The following EFNA5 variants were observed in gnomAD, a reference collection of about 807,000 sequenced individuals.
EFNA5 encodes the protein ephrin-A5.
In EFNA5, 5 loss-of-function variants were observed where a neutral mutation model predicts 22.9. The ratio of observed to expected loss-of-function variants is 0.22; its 90% confidence interval spans 0.11 to 0.46. The LOEUF (loss-of-function observed/expected upper bound fraction) is 0.46. EFNA5 is among the 20% of genes least tolerant of loss of function. The pLI is 0.99. For missense variants in EFNA5, 237 were observed against 293.3 expected (o/e 0.81, Z 1.40); for synonymous variants, 113 against 112.2 (o/e 1.01, Z -0.04).
chr5:107,392,771 A>AGGC (rs1430629016), intron 2 of EFNA5, among the ~76,000 whole-genome samples: 2 of 152,254 alleles, frequency 1.3e-5, no homozygotes, highest in Non-Finnish European at 2.9e-5. Flanking sequence ...GCTAATGGCC[A>AGGC]GCATGCCCTT....
intron 1 of EFNA5, among the ~76,000 whole-genome samples, chr5:107,583,021 C>T (rs1749102173): frequency 1.3e-5 from 2 of 152,234 alleles, no homozygotes; most frequent in South Asian, 2.1e-4. Flanking sequence ...AACAACAGGA[C>T]ATCTTCTAAA....
At chr5:107,635,270 A>G (rs1750349175) in intron 1 of EFNA5, among the ~76,000 whole-genome samples, 1 of 152,196 alleles carries the variant, frequency 6.6e-6, no homozygotes, top group Non-Finnish European at 1.5e-5. Context: ...AACTGCTTTT[A>G]TTTTATTTTT....
chr5:107,625,290 T>A (rs1580566963), intron 1 of EFNA5, among the ~76,000 whole-genome samples: 2 of 152,062 alleles, frequency 1.3e-5, no homozygotes, highest in African/African-American at 2.4e-5. Flanking sequence ...ACAGGTGAGG[T>A]TTTTGAGATT....
At chr5:107,646,709 T>A (rs1750639253) in intron 1 of EFNA5, among the ~76,000 whole-genome samples, 1 of 152,108 alleles carries the variant, frequency 6.6e-6, no homozygotes, top group Admixed American at 6.6e-5. Context: ...TTCAACTGCT[T>A]CTGAAAAAAA....
In EFNA5 at chr5:107,670,924, G is replaced by A. The variant is rs985219055; in HGVS notation, c.-311C>T. On this transcript the variant is annotated 5_prime_UTR_variant, in exon 1 of 5. Coordinates refer to ENST00000333274, the MANE Select transcript of EFNA5 (RefSeq NM_001962.3). ...CGTGTGTGTGGTGGCGGCGGCGAGG[G>A]CGGGGGAAGAGGTGCCAAGCTGTGT... 9 of 294,848 alleles carry A rather than the reference G, an allele frequency of 3.1e-5. No individual in the cohort carries two copies. Among genetic ancestry groups the A allele is most frequent in the Non-Finnish European group, 5.0e-5 (8 of 160,198 alleles). The allele number at this position is 294,848 out of a possible 1,614,324, so 18.3% of individuals were successfully genotyped here. A position where few individuals can be genotyped will look rare whatever the true frequency, so the allele number is the denominator to read the frequency against.
chr5:107,440,394 T>C (rs1420602788), intron 1 of EFNA5, among the ~76,000 whole-genome samples: 1 of 152,198 alleles, frequency 6.6e-6, no homozygotes, highest in African/African-American at 2.4e-5. Context: ...ATGTCTACCT[T>C]GGAAAAGAAC....
chr5:107,657,484 C>T (rs561647194), intron 1 of EFNA5, among the ~76,000 whole-genome samples: 1 of 152,034 alleles, frequency 6.6e-6, no homozygotes, highest in Non-Finnish European at 1.5e-5. Context: ...ACAAAGAAAA[C>T]AGTACTGTCT....
chr5:107,557,557 T>C (rs1748450266), intron 1 of EFNA5, among the ~76,000 whole-genome samples: 1 of 152,232 alleles, frequency 6.6e-6, no homozygotes, highest in Non-Finnish European at 1.5e-5. Context: ...CATTTGTCAA[T>C]GGACATATAC....
Position 107,491,834 on chromosome 5 carries a change from AAATT to A in EFNA5, c.126-64329_126-64326del, listed in dbSNP as rs112502173. ...ATTATACATTCAAATACTAAAAATTAAATTAATTAATTTTTTGAGACAGAGTCTC... is the reference window on the plus strand; with the variant it reads ...ATTATACATTCAAATACTAAAAATTAAATTAATTTTTTGAGACAGAGTCTC... On this transcript the variant is annotated intron_variant, in intron 1 of 4. Transcript: ENST00000333274. 2.3e-3 allele frequency among the ~76,000 whole-genome samples: 345 copies of A among 152,208 alleles called. 2 individuals carry two copies. Among genetic ancestry groups the A allele is most frequent in the African/African-American group, 8.2e-3 (340 of 41,538 alleles).
At chr5:107,622,929 G>T (rs935848185) in intron 1 of EFNA5, among the ~76,000 whole-genome samples, 3 of 147,278 alleles carry the variant, frequency 2.0e-5, no homozygotes, top group Non-Finnish European at 4.5e-5. Flanking sequence ...GCTGAGGCAG[G>T]AGAATGGCGT....
intron 1 of EFNA5, among the ~76,000 whole-genome samples, chr5:107,541,443 A>G (rs1413501033): frequency 2.0e-5 from 3 of 152,224 alleles, no homozygotes; most frequent in Non-Finnish European, 2.9e-5. Context: ...AACTCTAGCA[A>G]TAGCAATAAA....
intron 2 of EFNA5, among the ~76,000 whole-genome samples, chr5:107,405,957 T>A (rs1210032949): frequency 2.2e-5 from 3 of 137,118 alleles, no homozygotes; most frequent in African/African-American, 2.8e-5. Flanking sequence ...TATGTATTTA[T>A]ATACATAGAA....
chr5:107,444,558 T>C (rs566169662), intron 1 of EFNA5, among the ~76,000 whole-genome samples: 44 of 152,368 alleles, frequency 2.9e-4, no homozygotes, highest in Admixed American at 2.9e-3. Context: ...TACTTAATGG[T>C]TGAACTTCTC....
At chr5:107,626,678 A>T (rs1750148225) in intron 1 of EFNA5, among the ~76,000 whole-genome samples, 2 of 152,214 alleles carry the variant, frequency 1.3e-5, no homozygotes, top group African/African-American at 2.4e-5. Flanking sequence ...CCTTAATAAA[A>T]CATAACTCTG....
rs530680844 is a variant in EFNA5 at position 107,645,295 on chromosome 5, G to A, written c.125+25194C>T. 2.8e-4 allele frequency among the ~76,000 whole-genome samples: 42 copies of A among 152,246 alleles called. 1 individual carries two copies. Among genetic ancestry groups the A allele is most frequent in the South Asian group, 1.9e-3 (9 of 4,832 alleles). ...CCTTGTAGAAGTTGAAGTAATTTCC[G>A]GGCTACCTTTAAACTTGTGTAGCAC... is the stretch of plus-strand genomic sequence containing the variant. On this transcript the variant is annotated intron_variant, in intron 1 of 4. Coordinates refer to ENST00000333274, the MANE Select transcript of EFNA5 (RefSeq NM_001962.3).
intron 1 of EFNA5, among the ~76,000 whole-genome samples, chr5:107,497,948 A>G (rs1561413215): frequency 6.6e-6 from 1 of 152,164 alleles, no homozygotes; most frequent in Non-Finnish European, 1.5e-5. Context: ...CGGAGTCTCA[A>G]TCTGTCACCC....
chr5:107,448,664 A>G (rs1749461342), intron 1 of EFNA5, among the ~76,000 whole-genome samples: 1 of 151,750 alleles, frequency 6.6e-6, no homozygotes, highest in African/African-American at 2.4e-5. Flanking sequence ...CCCCATCTCT[A>G]CTAAAAATAC....
intron 1 of EFNA5, among the ~76,000 whole-genome samples, chr5:107,617,906 A>G (rs1222658732): frequency 6.6e-6 from 1 of 152,200 alleles, no homozygotes; most frequent in Non-Finnish European, 1.5e-5. Flanking sequence ...TGTACCTACT[A>G]TAACAGCTAC....
intron 1 of EFNA5, among the ~76,000 whole-genome samples, chr5:107,617,309 C>A (rs138241252): frequency 6.6e-6 from 1 of 151,514 alleles, no homozygotes; most frequent in South Asian, 2.1e-4. Context: ...GAAAATGGAA[C>A]TGGAACAGTA....
Sources: allele counts gnomAD v4.1 joint callset (sites outside exome capture counted in the v4.1 genomes callset), GRCh38; gene constraint gnomAD v4.1.1; transcripts MANE v1.5; gene names NCBI Gene and HGNC (gene_info 2026-07-23, HGNC 2026-07-21).